Variants in MTUS2 observed in about 807,000 individuals in gnomAD.
MTUS2 encodes the protein microtubule-associated tumor suppressor candidate 2.
In MTUS2, 40 loss-of-function variants were observed where a neutral mutation model predicts 114.1. The observed-to-expected ratio is 0.35, with a 90% CI of 0.27 to 0.46. MTUS2 has a LOEUF of 0.46. MTUS2 is among the 20% of genes least tolerant of loss of function. MTUS2 has a pLI of 1.00. For synonymous variants in MTUS2, 688 were observed against 672.0 expected, an observed-to-expected ratio of 1.02 and a Z score of -0.37; for missense variants, 1,679 against 1,705.4, an observed-to-expected ratio of 0.98 and a Z score of 0.27.
In MTUS2 at chr13:29,375,256, C is replaced by T. The variant is rs925888334; in HGVS notation, c.3117+15783C>T. The stretch of plus-strand genomic sequence containing the variant: ...AAATAATTTTTAAAGAACAGAGCCT[C>T]AGGAACATAACAGACAATTTAAAAA... On this transcript the variant is annotated intron_variant, in intron 8 of 15. Coordinates refer to ENST00000612955, the MANE Select transcript of MTUS2 (RefSeq NM_001033602.4). Among the ~76,000 whole-genome samples the T allele has an allele frequency of 3.8e-5, 5 of 131,348 alleles. 1 individual carries two copies. Among genetic ancestry groups the T allele is most frequent in the African/African-American group, 1.4e-4 (5 of 35,676 alleles). The allele number at this position is 131,348 out of a possible 152,430, so 86.2% of individuals were successfully genotyped here. A position where few individuals can be genotyped will look rare whatever the true frequency, so the allele number is the denominator to read the frequency against.
rs142029892 is a variant in MTUS2 at position 29,480,143 on chromosome 13, C to T, written c.3185-7C>T. The T allele has an allele frequency of 8.8e-3, 13,608 of 1,551,944 alleles. 77 individuals are homozygous for T. The highest frequency in any genetic ancestry group is 9.8e-3 in the Non-Finnish European group (11,260 of 1,147,092). On this transcript the variant is annotated splice_polypyrimidine_tract_variant and splice_region_variant and intron_variant, in intron 9 of 15. Coordinates refer to ENST00000612955, the MANE Select transcript of MTUS2 (RefSeq NM_001033602.4). This position sits in a 1 kb window ranked among gnomAD's most constrained non-coding sequence, Gnocchi z 4.4. Reference sequence around the variant, plus strand: ...TTTTAAAGAAAGATCTTGTGCTTTGCGCCCAGCCTTCCATACAGCAAAGTG... The same window carrying T: ...TTTTAAAGAAAGATCTTGTGCTTTGTGCCCAGCCTTCCATACAGCAAAGTG...
At chr13:29,104,257 A>G (rs555397541) in intron 5 of MTUS2, among the ~76,000 whole-genome samples, 4 of 152,098 alleles carry the variant, frequency 2.6e-5, no homozygotes, top group Non-Finnish European at 4.4e-5. Context: ...ACTTGAAGGT[A>G]TCTTACCATC....
chr13:29,084,425 A>G lies in MTUS2; in HGVS notation c.2447-16348A>G, dbSNP rs985313863. ...CATTCTCTCTACTTTGCTTAGATTTATAAGTTCCATCCTCCAGAGAAGTTC... is the reference window on the plus strand; with the variant it reads ...CATTCTCTCTACTTTGCTTAGATTTGTAAGTTCCATCCTCCAGAGAAGTTC... On this transcript the variant is annotated intron_variant, in intron 4 of 15. Coordinates refer to ENST00000612955, the MANE Select transcript of MTUS2 (RefSeq NM_001033602.4). 3.3e-5 allele frequency among the ~76,000 whole-genome samples: 5 copies of G among 151,442 alleles called. No individual in the cohort carries two copies. In the East Asian group the frequency reaches 7.8e-4, roughly 24 times the overall value.
intron 7 of MTUS2, among the ~76,000 whole-genome samples, chr13:29,341,697 G>A (rs9506150): frequency 0.73 from 110,643 of 152,032 alleles, 44,288 homozygotes; most frequent in East Asian, 0.9. Flanking sequence ...TTTTGGGTTC[G>A]TGGTCATAAA....
intron 2 of MTUS2, among the ~76,000 whole-genome samples, chr13:28,968,580 A>G (rs1016863552): frequency 6.6e-6 from 1 of 152,192 alleles, no homozygotes; most frequent in Non-Finnish European, 1.5e-5. Context: ...GGACTGGATG[A>G]GATACTTTTC....
chr13:29,292,032 C>T (rs1301916869), intron 6 of MTUS2, among the ~76,000 whole-genome samples: 1 of 152,130 alleles, frequency 6.6e-6, no homozygotes, highest in East Asian at 1.9e-4. Flanking sequence ...TTCACATTAC[C>T]TTGTTCTGTT....
At chr13:29,430,517 A>T (rs1357891176) in intron 8 of MTUS2, among the ~76,000 whole-genome samples, 2 of 152,122 alleles carry the variant, frequency 1.3e-5, no homozygotes, top group Non-Finnish European at 2.9e-5. Flanking sequence ...TACTGATGAA[A>T]ACTTTAAAAC....
intron 4 of MTUS2, among the ~76,000 whole-genome samples, chr13:29,051,485 G>A (rs2987344): frequency 0.36 from 55,279 of 151,912 alleles, 10,223 homozygotes; most frequent in Admixed American, 0.4. Context: ...TGAAATCTGC[G>A]TCTCACTAGA....
chr13:29,227,790 G>A (rs966980871), intron 5 of MTUS2, among the ~76,000 whole-genome samples: 10 of 152,162 alleles, frequency 6.6e-5, no homozygotes, highest in Middle Eastern at 3.2e-3. Flanking sequence ...TTTCTATTAT[G>A]CAATCTAGGG....
chr13:29,448,753 CTT>C (rs71090255), intron 9 of MTUS2, among the ~76,000 whole-genome samples: 15 of 115,568 alleles, frequency 1.3e-4, no homozygotes, highest in Admixed American at 1.9e-4. Context: ...ACAGAGTGCT[CTT>C]TTTTTTTTTT....
At chr13:29,447,082 A>G (rs56175728) in intron 9 of MTUS2, among the ~76,000 whole-genome samples, 4,886 of 152,220 alleles carry the variant, frequency 0.032, 220 homozygotes, top group African/African-American at 0.11. Context: ...TAAATTAGGG[A>G]TGCTCAACTA....
At chr13:29,176,768 G>A (rs895584853) in intron 5 of MTUS2, among the ~76,000 whole-genome samples, 2 of 145,240 alleles carry the variant, frequency 1.4e-5, no homozygotes, top group African/African-American at 5.7e-5. Context: ...ATATGAATTT[G>A]GGGGCACCCC....
At chr13:29,278,416 T>C (rs1898145834) in intron 5 of MTUS2, among the ~76,000 whole-genome samples, 1 of 152,044 alleles carries the variant, frequency 6.6e-6, no homozygotes, top group Non-Finnish European at 1.5e-5. Context: ...ATAAAGAATG[T>C]GTCCAGATTA....
chr13:29,285,625 G>T (rs539004837), intron 6 of MTUS2, among the ~76,000 whole-genome samples: 15 of 152,294 alleles, frequency 9.8e-5, no homozygotes, highest in African/African-American at 2.9e-4. Flanking sequence ...CATGAGGATT[G>T]AATCAGCAAA....
chr13:29,303,651 C>A (rs1404656703), intron 6 of MTUS2, among the ~76,000 whole-genome samples: 1 of 152,018 alleles, frequency 6.6e-6, no homozygotes, highest in Non-Finnish European at 1.5e-5. Context: ...AGAGAGAAAA[C>A]CTATGACTGA....
Position 29,497,298 on chromosome 13 carries a change from G to C in MTUS2, c.3640G>C (p.Glu1214Gln). 1.2e-6 allele frequency: 2 copies of C among 1,612,114 alleles called. No homozygotes were observed. Among genetic ancestry groups the C allele is most frequent in the South Asian group, 1.1e-5 (1 of 90,974 alleles). The change falls in exon 13 of 16, where the codon GAA becomes CAA. Residue 1214 changes from glutamate to glutamine, a missense_variant. Physicochemically the swap from Glu to Gln is conservative, Grantham distance 29. This residue lies in a region of MTUS2 where 822 missense variants were observed against 899.7 expected (regional missense o/e 0.91). Transcript: ENST00000612955. Reference protein sequence around the residue: ...QSLRDRARRFEEALRKNTEEQ... With the variant: ...QSLRDRARRFQEALRKNTEEQ... ...TCTGCGGGACAGAGCCCGCCGCTTC[G>C]AAGAGGCCTTGAGGAAGAACACAGA...
At chr13:29,221,253 A>G (rs1895896713) in intron 5 of MTUS2, among the ~76,000 whole-genome samples, 2 of 152,264 alleles carry the variant, frequency 1.3e-5, no homozygotes, top group African/African-American at 4.8e-5. Flanking sequence ...TCTGAGTAGA[A>G]TTCCTGGGTC....
intron 5 of MTUS2, among the ~76,000 whole-genome samples, chr13:29,208,993 G>A (rs1394001043): frequency 6.6e-6 from 1 of 152,056 alleles, no homozygotes; most frequent in African/African-American, 2.4e-5. Context: ...TTTCTGTCTT[G>A]ATGACCTGCC....
chr13:29,227,531 T>C (rs990668361), intron 5 of MTUS2, among the ~76,000 whole-genome samples: 3 of 152,300 alleles, frequency 2.0e-5, no homozygotes, highest in African/African-American at 4.8e-5. Flanking sequence ...GGCAATCTCT[T>C]GAATTTGCTT....
Sources: gnomAD v4.1 joint callset for allele counts (sites outside exome capture counted in the v4.1 genomes callset) on GRCh38, gnomAD v4.1.1 for gene constraint, gnomAD v4.1.1 regional missense constraint, Gnocchi (gnomAD v3.1) non-coding constraint, MANE v1.5 for transcripts, NCBI Gene and HGNC (gene_info 2026-07-23, HGNC 2026-07-21) for gene names.